Variants in ENTPD6 observed in about 807,000 individuals in gnomAD.
ENTPD6 encodes ectonucleoside triphosphate diphosphohydrolase 6, also known as CD39 antigen-like 2.
A neutral mutation model predicts 61.5 loss-of-function variants in ENTPD6; 46 were observed. The ratio of observed to expected loss-of-function variants is 0.75; its 90% CI spans 0.59 to 0.96. The LOEUF is 0.96. Among genes scored for constraint, ENTPD6 ranks in the 40% least tolerant of loss-of-function variants. ENTPD6 has a pLI of 0.00. For missense variants in ENTPD6, 612 were observed against 629.0 expected (o/e 0.97, Z 0.29); for synonymous variants, 252 against 255.5 (o/e 0.99, Z 0.13).
At chr20:25,221,355 G>A (rs772961770) in intron 11 of ENTPD6, 22 bp downstream of exon 11, 2 of 1,591,462 alleles carry the variant, frequency 1.3e-6, no homozygotes, top group East Asian at 2.2e-5. Flanking sequence ...GTTGCTGCCT[G>A]TTGGTTTCTG....
intron 10 of ENTPD6, 46 bp from the exon 11 acceptor site, chr20:25,221,186 C>T (rs547909888): frequency 6.0e-5 from 89 of 1,476,976 alleles, no homozygotes; most frequent in Non-Finnish European, 7.6e-5. Context: ...TAGTCCATGG[C>T]GGTGATATAC....
rs554187659 is a variant in ENTPD6, at chr20:25,226,044, T to C, written c.*447T>C. ...AGAGTCTGGGAGGCGGTGCAGGCTGTCCTGGCTGCTCTGGGGAAGCCGAGG... is the reference window on the plus strand; with the variant it reads ...AGAGTCTGGGAGGCGGTGCAGGCTGCCCTGGCTGCTCTGGGGAAGCCGAGG... On this transcript the variant is annotated 3_prime_UTR_variant, in exon 15 of 15. Transcript: ENST00000376652. 165 of 156,134 alleles carry C rather than the reference T, an allele frequency of 1.1e-3. No homozygotes were observed. Among genetic ancestry groups the C allele is most frequent in the Middle Eastern group, 3.3e-3 (1 of 306 alleles). The allele number at this position is 156,134 out of a possible 1,614,324, so 9.7% of individuals were successfully genotyped here. A position where few individuals can be genotyped will look rare whatever the true frequency, so the allele number is the denominator to read the frequency against.
chr20:25,210,040 C>A, intron 4 of ENTPD6, 115 bp downstream of exon 4: 2 of 959,788 alleles, frequency 2.1e-6, no homozygotes, highest in Non-Finnish European at 1.6e-6. Flanking sequence ...GACAGTGCTG[C>A]CTGGGCATTT....
At position 25,206,529 on chromosome 20, in the gene ENTPD6, C is replaced by T. The variant is rs2091512932; in HGVS notation, c.-8C>T. 1 of 1,612,706 alleles carries T rather than the reference C, an allele frequency of 6.2e-7. No individual in the cohort carries two copies. The highest frequency in any genetic ancestry group is 8.5e-7 in the Non-Finnish European group (1 of 1,178,708). ...TTATTTTCTCCTTGGCAGGAATGGG[C>T]TATGTGAATGAAAAAAGGTATCCGT... On this transcript the variant is annotated 5_prime_UTR_variant, in exon 2 of 15. Transcript: ENST00000376652.
intron 1 of ENTPD6, among the ~76,000 whole-genome samples, chr20:25,202,506 C>T (rs974502851): frequency 1.3e-5 from 2 of 151,938 alleles, no homozygotes; most frequent in African/African-American, 2.4e-5. Flanking sequence ...TTGTAGTTTC[C>T]GTTTTTGATT....
At chr20:25,212,200 C>T (rs1399068330) in intron 4 of ENTPD6, among the ~76,000 whole-genome samples, 1 of 152,210 alleles carries the variant, frequency 6.6e-6, no homozygotes, top group Non-Finnish European at 1.5e-5. Context: ...CCTTCACTTT[C>T]ATGCACACAC....
chr20:25,216,577 C>T, intron 7 of ENTPD6, 71 bp from the exon 8 acceptor site: 4 of 1,169,672 alleles, frequency 3.4e-6, no homozygotes, highest in East Asian at 5.1e-5. Context: ...GCCTGGCTTT[C>T]ACCCTGGCTT....
intron 4 of ENTPD6, among the ~76,000 whole-genome samples, chr20:25,212,007 G>T (rs543629873): frequency 1.2e-4 from 19 of 152,272 alleles, no homozygotes; most frequent in African/African-American, 4.6e-4. Flanking sequence ...TGGACATCTT[G>T]CTGTGTTGCC....
chr20:25,196,176 C>G, intron 1 of ENTPD6: 2 of 1,204,994 alleles, frequency 1.7e-6, no homozygotes, highest in Non-Finnish European at 2.1e-6. Context: ...GACCCGCCCC[C>G]AGTCTGCGTC....
intron 7 of ENTPD6, 36 bp from the exon 8 acceptor site, chr20:25,216,612 A>G: frequency 6.6e-7 from 1 of 1,511,898 alleles, no homozygotes; most frequent in Non-Finnish European, 9.0e-7. Context: ...CGATCTTACT[A>G]ATGCCCCTGT....
intron 10 of ENTPD6, among the ~76,000 whole-genome samples, chr20:25,220,994 C>T (rs541220977): frequency 6.6e-6 from 1 of 152,334 alleles, no homozygotes; most frequent in Admixed American, 6.5e-5. Flanking sequence ...TGGCCCAGTG[C>T]CTGGCACCCG....
chr20:25,214,563 C>T (rs990772196), intron 5 of ENTPD6: 5 of 332,770 alleles, frequency 1.5e-5, no homozygotes, highest in Admixed American at 1.3e-4. Flanking sequence ...CGAGCCCGGG[C>T]GGTGGATTAA....
At chr20:25,209,751 G>A in intron 3 of ENTPD6, 98 bp from the exon 4 acceptor site, 2 of 1,036,540 alleles carry the variant, frequency 1.9e-6, no homozygotes, top group Non-Finnish European at 3.0e-6. Flanking sequence ...ATTGGTCTGT[G>A]TTAGTGTCTG....
At chr20:25,208,767 G>A (rs1306278602) in intron 3 of ENTPD6, among the ~76,000 whole-genome samples, 1 of 152,098 alleles carries the variant, frequency 6.6e-6, no homozygotes, top group Non-Finnish European at 1.5e-5. Flanking sequence ...TCAGAATCAA[G>A]GAAATGGTGT....
chr20:25,226,703 G>C lies in ENTPD6; in HGVS notation c.*1106G>C, dbSNP rs1207326005. The C allele has an allele frequency of 6.6e-6, 1 of 152,310 alleles. No homozygotes were observed. Among genetic ancestry groups the C allele is most frequent in the East Asian group, 1.9e-4 (1 of 5,200 alleles). The allele number at this position is 152,310 out of a possible 1,614,324, so 9.4% of individuals were successfully genotyped here. On this transcript the variant is annotated 3_prime_UTR_variant, in exon 15 of 15. Coordinates refer to ENST00000376652, the MANE Select transcript of ENTPD6 (RefSeq NM_001247.5). ...CTCATGTGTTCCACTCCCAATAAAA[G>C]GTTGACAGGGGCTTCTCCTTCTCTG...
chr20:25,202,022 T>G (rs2091080092), intron 1 of ENTPD6, among the ~76,000 whole-genome samples: 1 of 152,198 alleles, frequency 6.6e-6, no homozygotes, highest in Admixed American at 6.5e-5. Flanking sequence ...ATAACATAAA[T>G]AGTTGATTAA....
intron 12 of ENTPD6, among the ~76,000 whole-genome samples, chr20:25,223,225 A>G (rs957308459): frequency 6.6e-6 from 1 of 152,168 alleles, no homozygotes; most frequent in Non-Finnish European, 1.5e-5. Context: ...GCTGGAAGGC[A>G]GGTCCTGCCT....
chr20:25,215,021 C>G (rs548004714), intron 6 of ENTPD6, 79 bp downstream of exon 6: 1 of 940,910 alleles, frequency 1.1e-6, no homozygotes, highest in African/African-American at 1.6e-5. Context: ...TTCTAACCAT[C>G]CGCCACCCCT....
intron 4 of ENTPD6, among the ~76,000 whole-genome samples, chr20:25,211,137 G>T (rs6050438): frequency 0.26 from 39,093 of 152,140 alleles, 6,916 homozygotes; most frequent in African/African-American, 0.51. Flanking sequence ...GGAGAGAGTT[G>T]TAACTTCCAT....
Sources: allele counts gnomAD v4.1 joint callset (sites outside exome capture counted in the v4.1 genomes callset), GRCh38; gene constraint gnomAD v4.1.1; transcripts MANE v1.5; gene names NCBI Gene and HGNC (gene_info 2026-07-23, HGNC 2026-07-21).